CDC14A: variants seen among roughly 807,000 people sequenced by gnomAD.
CDC14A encodes the protein dual specificity protein phosphatase CDC14A.
Under a neutral mutation model 74.4 loss-of-function variants are expected in CDC14A, and 53 were observed. That is an observed-to-expected ratio of 0.71 (90% CI 0.57 to 0.89). CDC14A has a LOEUF of 0.89. Ranked by LOEUF, CDC14A falls within the 40% of genes least tolerant of loss-of-function variation. The pLI, the probability that CDC14A is intolerant of heterozygous loss-of-function variation, is 0.00. For synonymous variants in CDC14A, 247 were observed against 258.4 expected (o/e 0.96, Z 0.43); for missense variants, 646 against 713.7 (o/e 0.91, Z 1.08).
At chr1:100,376,041 C>T (rs1655200568) in intron 2 of CDC14A, among the ~76,000 whole-genome samples, 2 of 151,980 alleles carry the variant, frequency 1.3e-5, no homozygotes, top group South Asian at 2.1e-4. Flanking sequence ...AGCAAACTAT[C>T]ACAAGGACAA....
intron 4 of CDC14A, among the ~76,000 whole-genome samples, chr1:100,391,672 A>G (rs995194411): frequency 2.0e-5 from 3 of 152,184 alleles, no homozygotes; most frequent in Non-Finnish European, 2.9e-5. Context: ...CAAGGGCCTC[A>G]TTCTAAGGAC....
rs747224610 is a variant in CDC14A at position 100,499,092 on chromosome 1, C to A, written c.1585C>A (p.Pro529Thr). 6.2e-7 allele frequency: 1 copy of A among 1,614,136 alleles called. No homozygotes were observed. The highest frequency in any genetic ancestry group is 8.5e-7 in the Non-Finnish European group (1 of 1,180,016). The change falls in exon 15 of 16, where the codon CCT becomes ACT. Residue 529 changes from proline to threonine, a missense_variant. Pro to Thr is a conservative substitution (Grantham distance 38). Transcript: ENST00000336454. The part of the protein sequence containing the change: ...GSSQPTTRNY[P>T]ELNNNQYNRS... ...CTCCCAGCCAACTACCAGAAATTACCCTGAGCTCAACAATAATCAGTACAA... is the reference window on the plus strand; with the variant it reads ...CTCCCAGCCAACTACCAGAAATTACACTGAGCTCAACAATAATCAGTACAA...
At chr1:100,345,040 G>A (rs572303584) in exon 1 of CDC14A, 56 of 152,258 alleles carry the variant, frequency 3.7e-4, no homozygotes, top group Non-Finnish European at 4.0e-4. Flanking sequence ...GGGAATTTAG[G>A]AATCCATTGA....
chr1:100,394,272 C>A (rs548779154), intron 4 of CDC14A, among the ~76,000 whole-genome samples: 1 of 152,228 alleles, frequency 6.6e-6, no homozygotes, highest in South Asian at 2.1e-4. Context: ...TGTGCCACCA[C>A]AGCCAGCTAA....
intron 7 of CDC14A, among the ~76,000 whole-genome samples, chr1:100,453,648 T>A (rs1195550217): frequency 1.3e-5 from 2 of 152,200 alleles, no homozygotes; most frequent in Non-Finnish European, 1.5e-5. Flanking sequence ...ATATTTTTTT[T>A]ATTTCCTTTG....
intron 4 of CDC14A, among the ~76,000 whole-genome samples, chr1:100,423,409 T>C (rs1214718115): frequency 6.6e-6 from 1 of 152,204 alleles, no homozygotes; most frequent in Non-Finnish European, 1.5e-5. Flanking sequence ...GGTAGCTGCT[T>C]TCCAGGCCCC....
rs562422724 is a variant in CDC14A at position 100,394,337 on chromosome 1, AGGAC to A, written c.309+3514_309+3517del. Among the ~76,000 whole-genome samples, 6 of 152,258 alleles carry A rather than the reference AGGAC, an allele frequency of 3.9e-5. No individual in the cohort carries two copies. In the South Asian group the frequency reaches 1.2e-3, roughly 32 times the overall value. ...TTGCTTTGTTGCCCAGCCTGGCTTC[AGGAC>A]TCCTGGCCTCAAGTGATCCCCCTGC... is the stretch of plus-strand genomic sequence containing the variant. On this transcript the variant is annotated intron_variant, in intron 4 of 15. Transcript: ENST00000336454.
At chr1:100,447,427 G>A (rs1665681234) in intron 7 of CDC14A, among the ~76,000 whole-genome samples, 1 of 152,200 alleles carries the variant, frequency 6.6e-6, no homozygotes, top group Admixed American at 6.5e-5. Flanking sequence ...TGAAATTTGG[G>A]CAGCTATGCT....
chr1:100,351,973 A>AGTGTGTGTGTGTGTGT (rs35169146), upstream of CDC14A, among the ~76,000 whole-genome samples: 2 of 146,070 alleles, frequency 1.4e-5, no homozygotes, highest in African/African-American at 2.5e-5. Flanking sequence ...GGTTTTTACG[A>AGTGTGTGTGTGTGTGT]GTGTGTGTGT....
intron 12 of CDC14A, 138 bp downstream of exon 12, chr1:100,495,068 T>A (rs1372361572): frequency 3.5e-6 from 2 of 570,780 alleles, no homozygotes; most frequent in African/African-American, 3.8e-5. Flanking sequence ...TGTTGTTTAT[T>A]GATTATTTTA....
intron 4 of CDC14A, among the ~76,000 whole-genome samples, chr1:100,412,345 A>G (rs930556410): frequency 2.0e-5 from 3 of 152,136 alleles, no homozygotes; most frequent in African/African-American, 4.8e-5. Context: ...GAAATGATAT[A>G]CAAGGGATAT....
At chr1:100,393,610 C>T (rs755386469) in intron 4 of CDC14A, 2 of 674,638 alleles carry the variant, frequency 3.0e-6, no homozygotes, top group Admixed American at 3.6e-5. Flanking sequence ...ACCAGCACTG[C>T]AGCTGCTTCC....
At chr1:100,409,235 CG>C (rs1660351522) in intron 4 of CDC14A, among the ~76,000 whole-genome samples, 2 of 152,132 alleles carry the variant, frequency 1.3e-5, no homozygotes, top group South Asian at 4.1e-4. Context: ...AAACATAGCA[CG>C]GGAAAGACCT....
chr1:100,450,277 G>C (rs561808117), intron 7 of CDC14A, among the ~76,000 whole-genome samples: 1 of 152,340 alleles, frequency 6.6e-6, no homozygotes. Context: ...ATTGGGTCAA[G>C]AGCAGGAGTC....
chr1:100,360,491 A>G (rs1327465015), intron 2 of CDC14A, among the ~76,000 whole-genome samples: 1 of 151,736 alleles, frequency 6.6e-6, no homozygotes, highest in African/African-American at 2.4e-5. Flanking sequence ...TTATGGGTGC[A>G]TGCCACCATG....
At chr1:100,438,795 T>A (rs968869301) in intron 5 of CDC14A, among the ~76,000 whole-genome samples, 3 of 152,228 alleles carry the variant, frequency 2.0e-5, no homozygotes, top group Non-Finnish European at 4.4e-5. Flanking sequence ...TCAAGTGACC[T>A]TGAATGGTTG....
At position 100,483,084 on chromosome 1, in the gene CDC14A, TA is replaced by T. The variant is rs1298969418; in HGVS notation, c.978-1207del. On this transcript the variant is annotated intron_variant, in intron 10 of 15. Transcript: ENST00000336454. Reference sequence around the variant, plus strand: ...TATGTGTCTTTATGGTAGAATGATTTATATTCCTCAAGATATATACTCAGTA... The same window carrying T: ...TATGTGTCTTTATGGTAGAATGATTTTATTCCTCAAGATATATACTCAGTA... 3.9e-5 allele frequency among the ~76,000 whole-genome samples: 6 copies of T among 152,314 alleles called. No individual in the cohort carries two copies. The East Asian group carries it at 1.2e-3, about 29-fold the overall frequency.
intron 4 of CDC14A, among the ~76,000 whole-genome samples, chr1:100,396,040 T>C (rs1030450725): frequency 1.2e-4 from 19 of 152,258 alleles, no homozygotes; most frequent in African/African-American, 4.3e-4. Flanking sequence ...TATTTGAAAT[T>C]ACTTTGTTTA....
At chr1:100,412,713 T>TAAA (rs1475244824) in intron 4 of CDC14A, among the ~76,000 whole-genome samples, 1,285 of 102,194 alleles carry the variant, frequency 0.013, 117 homozygotes, top group Middle Eastern at 0.017. Context: ...TATATATATA[T>TAAA]ATATATATAT....
Sources: allele counts gnomAD v4.1 joint callset (sites outside exome capture counted in the v4.1 genomes callset), GRCh38; gene constraint gnomAD v4.1.1; transcripts MANE v1.5; gene names NCBI Gene and HGNC (gene_info 2026-07-23, HGNC 2026-07-21).